AGAP1: variants seen among roughly 807,000 people sequenced by gnomAD.
The protein encoded by AGAP1 is arf-GAP with GTPase, ANK repeat and PH domain-containing protein 1.
Under a neutral mutation model 105.3 loss-of-function variants are expected in AGAP1, and 29 were observed. The ratio of observed to expected loss-of-function variants is 0.28; its 90% confidence interval spans 0.21 to 0.38. AGAP1 has a LOEUF of 0.38. Ranked by LOEUF, AGAP1 falls within the 10% of genes least tolerant of loss-of-function variation. The probability of loss-of-function intolerance (pLI) is 1.00; values close to 1 mark genes in which losing one functional copy is unlikely to be tolerated. For synonymous variants in AGAP1, 509 were observed against 485.9 expected (o/e 1.05, Z -0.63); for missense variants, 998 against 1,165.1 (o/e 0.86, Z 2.09).
chr2:235,863,877 GA>G (rs2106525035), intron 9 of AGAP1, among the ~76,000 whole-genome samples: 2 of 152,320 alleles, frequency 1.3e-5, no homozygotes, highest in East Asian at 3.9e-4. Flanking sequence ...TCAGGTGGAT[GA>G]AAAGTTGCCA....
At chr2:235,885,311 T>G (rs1211002014) in intron 10 of AGAP1, among the ~76,000 whole-genome samples, 5 of 152,232 alleles carry the variant, frequency 3.3e-5, no homozygotes, top group African/African-American at 1.2e-4. Flanking sequence ...TTATATAATA[T>G]TCCACTGTGT....
intron 6 of AGAP1, among the ~76,000 whole-genome samples, chr2:235,797,508 C>T (rs2150041163): frequency 6.6e-6 from 1 of 151,550 alleles, no homozygotes; most frequent in East Asian, 1.9e-4. Context: ...TGTGATCCTT[C>T]TGCTCTCATC....
At position 235,871,030 on chromosome 2, in the gene AGAP1, T is replaced by C. The variant is rs556995682; in HGVS notation, c.1051-12315T>C. 7.2e-5 allele frequency among the ~76,000 whole-genome samples: 11 copies of C among 152,338 alleles called. No homozygotes were observed. In the East Asian group the frequency reaches 2.1e-3, roughly 29 times the overall value. On this transcript the variant is annotated intron_variant, in intron 9 of 17. Coordinates refer to ENST00000304032, the MANE Select transcript of AGAP1 (RefSeq NM_001037131.3). ...GATTTCTCTCTCTAATCCATGGATC[T>C]CTAATCAGAAGGGTCTGTGAGGCAT... is the stretch of plus-strand genomic sequence containing the variant.
chr2:235,563,049 C>A (rs1023821190), intron 1 of AGAP1, among the ~76,000 whole-genome samples: 1 of 152,054 alleles, frequency 6.6e-6, no homozygotes, highest in Non-Finnish European at 1.5e-5. Context: ...GACCCTATCT[C>A]AAAAAATAAT....
At chr2:235,848,217 T>C (rs1961739037) in intron 9 of AGAP1, among the ~76,000 whole-genome samples, 1 of 152,210 alleles carries the variant, frequency 6.6e-6, no homozygotes, top group African/African-American at 2.4e-5. Context: ...GCCCTGGGCA[T>C]GGTCCTATCT....
Position 235,601,437 on chromosome 2 carries a change from TCA to T in AGAP1, c.163+106591_163+106592del, listed in dbSNP as rs1225336115. Among the ~76,000 whole-genome samples, 2 of 152,182 alleles carry T rather than the reference TCA, an allele frequency of 1.3e-5. No individual in the cohort carries two copies. The highest frequency in any genetic ancestry group is 2.9e-5 in the Non-Finnish European group (2 of 68,040). On this transcript the variant is annotated intron_variant, in intron 1 of 17. Coordinates refer to ENST00000304032, the MANE Select transcript of AGAP1 (RefSeq NM_001037131.3). The surrounding 1 kb of genome is among the most constrained non-coding windows in gnomAD (Gnocchi z 4.4). ...TATAAAGGAAAGAAGTTTAACGGAC[TCA>T]CAGTTCTACATGGCTGGGGAGGCCT...
chr2:235,668,525 G>T (rs1413595865), intron 1 of AGAP1, among the ~76,000 whole-genome samples: 2 of 152,242 alleles, frequency 1.3e-5, no homozygotes, highest in African/African-American at 4.8e-5. Context: ...GGAGAAGGTC[G>T]TGTAAGCATG....
Position 235,671,268 on chromosome 2 carries a change from C to T in AGAP1, c.164-37911C>T, listed in dbSNP as rs538640046. ...CGCCTGGCTGTGCGTGCTGGTGCCC[C>T]TCGGAGTCCACCACCTTCATCAAGG... On this transcript the variant is annotated intron_variant, in intron 1 of 17. Coordinates refer to ENST00000304032, the MANE Select transcript of AGAP1 (RefSeq NM_001037131.3). Among the ~76,000 whole-genome samples the T allele has an allele frequency of 3.3e-5, 5 of 152,322 alleles. No individual in the cohort carries two copies. The South Asian group carries it at 6.2e-4, about 19-fold the overall frequency.
chr2:235,888,763 C>T lies in AGAP1; in HGVS notation c.1155+5314C>T, dbSNP rs561287674. On this transcript the variant is annotated intron_variant, in intron 10 of 17. Coordinates refer to ENST00000304032, the MANE Select transcript of AGAP1 (RefSeq NM_001037131.3). The surrounding 1 kb of genome is among the most constrained non-coding windows in gnomAD (Gnocchi z 4.8). ...CAGCATTTGTTGCTGTCGGGTAGAG[C>T]GGCCACCCACTGCCCCAGCCTTCCC... Among the ~76,000 whole-genome samples, 3 of 151,978 alleles carry T rather than the reference C, an allele frequency of 2.0e-5. No individual in the cohort carries two copies. Among genetic ancestry groups the T allele is most frequent in the African/African-American group, 4.8e-5 (2 of 41,436 alleles).
chr2:235,645,873 T>C (rs544237157), intron 1 of AGAP1, among the ~76,000 whole-genome samples: 5 of 152,342 alleles, frequency 3.3e-5, no homozygotes, highest in East Asian at 1.9e-4. Flanking sequence ...CTGAGAATTA[T>C]AGCTTGAGAT....
At chr2:235,846,995 T>C (rs1961573104) in intron 9 of AGAP1, among the ~76,000 whole-genome samples, 1 of 152,204 alleles carries the variant, frequency 6.6e-6, no homozygotes, top group African/African-American at 2.4e-5. Flanking sequence ...TTAAGAGCTG[T>C]GGATTGCTTG....
At chr2:235,604,909 C>G (rs1483602224) in intron 1 of AGAP1, among the ~76,000 whole-genome samples, 3 of 151,380 alleles carry the variant, frequency 2.0e-5, no homozygotes, top group Non-Finnish European at 4.4e-5. Context: ...GAGACGGAGT[C>G]TCTCTCTGTC....
intron 1 of AGAP1, among the ~76,000 whole-genome samples, chr2:235,558,936 T>A (rs1397644166): frequency 1.3e-5 from 2 of 152,188 alleles, no homozygotes; most frequent in Non-Finnish European, 2.9e-5. Context: ...GAAGATTTTT[T>A]TTTTTAGATA....
intron 5 of AGAP1, among the ~76,000 whole-genome samples, chr2:235,749,306 C>T (rs896748904): frequency 5.3e-5 from 8 of 151,796 alleles, no homozygotes; most frequent in South Asian, 2.1e-4. Context: ...CTCTGTTCCA[C>T]GTGCCACTGT....
At chr2:235,675,452 T>C (rs1043985404) in intron 1 of AGAP1, among the ~76,000 whole-genome samples, 1 of 152,142 alleles carries the variant, frequency 6.6e-6, no homozygotes, top group Admixed American at 6.5e-5. Flanking sequence ...GTGCTGGGAT[T>C]ACAAGCCTGA....
At chr2:235,646,625 G>A (rs1453301021) in intron 1 of AGAP1, among the ~76,000 whole-genome samples, 1 of 152,056 alleles carries the variant, frequency 6.6e-6, no homozygotes, top group East Asian at 1.9e-4. Context: ...CTCTCCCTTG[G>A]GCCCCCGCCC....
At chr2:235,707,789 C>T (rs1462030963) in intron 1 of AGAP1, among the ~76,000 whole-genome samples, 3 of 149,086 alleles carry the variant, frequency 2.0e-5, no homozygotes, top group East Asian at 4.0e-4. Context: ...CCCTCCCCAG[C>T]GTGTGACCTG....
chr2:235,511,279 G>A (rs552589964), intron 1 of AGAP1, among the ~76,000 whole-genome samples: 1 of 152,162 alleles, frequency 6.6e-6, no homozygotes, highest in African/African-American at 2.4e-5. Context: ...ATTCTGTTTC[G>A]GTGGGAGCTG....
chr2:235,918,415 T>C (rs2052007758), intron 11 of AGAP1, among the ~76,000 whole-genome samples: 1 of 152,264 alleles, frequency 6.6e-6, no homozygotes, highest in African/African-American at 2.4e-5. Context: ...GTGAGGCTTC[T>C]CAGACATCAG....
Sources: allele counts gnomAD v4.1 joint callset (sites outside exome capture counted in the v4.1 genomes callset), GRCh38; gene constraint gnomAD v4.1.1; non-coding constraint Gnocchi (gnomAD v3.1); transcripts MANE v1.5; gene names NCBI Gene and HGNC (gene_info 2026-07-23, HGNC 2026-07-21).